DOCK1: variants seen among roughly 807,000 people sequenced by gnomAD.
DOCK1 encodes the protein dedicator of cytokinesis protein 1.
A neutral mutation model predicts 262.7 loss-of-function variants in DOCK1; 138 were observed. The ratio of observed to expected loss-of-function variants is 0.53; its 90% CI spans 0.46 to 0.61. DOCK1 has a LOEUF of 0.61. Ranked by LOEUF, DOCK1 falls within the 20% of genes least tolerant of loss-of-function variation. The pLI, the probability that DOCK1 is intolerant of heterozygous loss-of-function variation, is 0.00. For missense variants in DOCK1, 1,908 were observed against 2,370.7 expected, an observed-to-expected ratio of 0.80 and a Z score of 4.05; for synonymous variants, 866 against 867.4, an observed-to-expected ratio of 1.00 and a Z score of 0.03.
chr10:126,964,277 C>T (rs2037495428), intron 1 of DOCK1, among the ~76,000 whole-genome samples: 1 of 152,204 alleles, frequency 6.6e-6, no homozygotes, highest in African/African-American at 2.4e-5. Flanking sequence ...AGGCTGATTT[C>T]CTCTCTGGGG....
chr10:127,249,742 T>C (rs1360118680), intron 28 of DOCK1, among the ~76,000 whole-genome samples: 1 of 152,236 alleles, frequency 6.6e-6, no homozygotes, highest in Non-Finnish European at 1.5e-5. Context: ...ATACACAGTC[T>C]GTCATTGACC....
At chr10:127,011,299 A>G (rs1278378436) in intron 11 of DOCK1, among the ~76,000 whole-genome samples, 2 of 152,146 alleles carry the variant, frequency 1.3e-5, no homozygotes, top group Non-Finnish European at 2.9e-5. Context: ...ATTAAAACTG[A>G]TTTATTATCT....
intron 45 of DOCK1, 26 bp from the exon 46 acceptor site, chr10:127,419,640 T>A (rs537567130): frequency 6.3e-7 from 1 of 1,582,916 alleles, no homozygotes; most frequent in African/African-American, 1.3e-5. Context: ...GCAGGTGCAC[T>A]GAGCAACTCT....
intron 27 of DOCK1, among the ~76,000 whole-genome samples, chr10:127,210,288 C>T (rs981391396): frequency 2.6e-5 from 4 of 152,182 alleles, no homozygotes; most frequent in African/African-American, 2.4e-5. Context: ...CAGTGCTCAT[C>T]CCAGGAAGAA....
chr10:126,945,468 A>AGG (rs1384987582), intron 1 of DOCK1, among the ~76,000 whole-genome samples: 3 of 150,954 alleles, frequency 2.0e-5, no homozygotes, highest in Admixed American at 6.6e-5. Context: ...AGAGAGAGAG[A>AGG]GAGGGAGAGA....
chr10:127,431,647 G>A (rs1293054277), intron 47 of DOCK1, among the ~76,000 whole-genome samples: 4 of 152,334 alleles, frequency 2.6e-5, no homozygotes, highest in East Asian at 1.9e-4. Context: ...CCAGCTGCAC[G>A]TCACTCAGAG....
chr10:127,320,049 C>T (rs917067750), intron 29 of DOCK1, among the ~76,000 whole-genome samples: 5 of 152,148 alleles, frequency 3.3e-5, no homozygotes, highest in Admixed American at 3.3e-4. Flanking sequence ...GAGCAGTCAA[C>T]AAGTTAGAAG....
intron 43 of DOCK1, among the ~76,000 whole-genome samples, chr10:127,412,034 C>A (rs1324985806): frequency 6.6e-6 from 1 of 151,946 alleles, no homozygotes; most frequent in African/African-American, 2.4e-5. Flanking sequence ...ATGATCTCAG[C>A]TCACTGCAAG....
chr10:127,249,410 T>TACACACAC (rs767475211), intron 28 of DOCK1, among the ~76,000 whole-genome samples: 7 of 128,428 alleles, frequency 5.5e-5, no homozygotes, highest in Admixed American at 8.8e-5. Context: ...TATACATATA[T>TACACACAC]ATATACATGT....
At chr10:127,149,519 G>T (rs921631702) in intron 27 of DOCK1, among the ~76,000 whole-genome samples, 2 of 152,210 alleles carry the variant, frequency 1.3e-5, no homozygotes, top group African/African-American at 4.8e-5. Context: ...AAAGCCCCAG[G>T]CAGCCGGGTC....
At chr10:127,297,856 C>A (rs1590329198) in intron 29 of DOCK1, among the ~76,000 whole-genome samples, 2 of 152,170 alleles carry the variant, frequency 1.3e-5, no homozygotes, top group East Asian at 3.9e-4. Context: ...ATTATTCAGA[C>A]GTGTCGGAGC....
intron 1 of DOCK1, among the ~76,000 whole-genome samples, chr10:126,956,645 C>T (rs1282111920): frequency 2.6e-5 from 4 of 152,352 alleles, no homozygotes; most frequent in Middle Eastern, 3.4e-3. Flanking sequence ...AGGGTGGCCC[C>T]GGCTGGATGG....
At chr10:126,935,514 G>C (rs1288248506) in intron 1 of DOCK1, among the ~76,000 whole-genome samples, 3 of 152,224 alleles carry the variant, frequency 2.0e-5, no homozygotes, top group Non-Finnish European at 4.4e-5. Context: ...GGGACGTCCA[G>C]CCAGGCTGAG....
chr10:127,443,423 T>C (rs1282194969), intron 49 of DOCK1, among the ~76,000 whole-genome samples: 1 of 152,140 alleles, frequency 6.6e-6, no homozygotes, highest in African/African-American at 2.4e-5. Context: ...TTCTGTGTTG[T>C]GGTTTTTATA....
chr10:127,207,354 A>G (rs1179603721), intron 27 of DOCK1, among the ~76,000 whole-genome samples: 3 of 152,202 alleles, frequency 2.0e-5, no homozygotes, highest in East Asian at 1.9e-4. Context: ...AAAGCTTACA[A>G]GGAAGTTGGG....
intron 1 of DOCK1, among the ~76,000 whole-genome samples, chr10:126,946,331 GAGGTCAGGAGTTCA>G (rs2035402583): frequency 6.6e-6 from 1 of 152,116 alleles, no homozygotes; most frequent in Admixed American, 6.6e-5. Context: ...TGGATCACTT[GAGGTCAGGAGTTCA>G]AGACCAGCCT....
At chr10:127,436,859 T>G (rs7071660) in intron 48 of DOCK1, among the ~76,000 whole-genome samples, 102,855 of 151,606 alleles carry the variant, frequency 0.68, 35,431 homozygotes, top group African/African-American at 0.8. Flanking sequence ...TTTTTTAGTT[T>G]GAGGCAAAAT....
rs11016543 is a variant in DOCK1 at position 127,160,379 on chromosome 10, C to T, written c.2847+32615C>T. 2.0e-5 allele frequency among the ~76,000 whole-genome samples: 3 copies of T among 152,194 alleles called. No homozygotes were observed. In the South Asian group the frequency reaches 6.2e-4, roughly 32 times the overall value. ...CAATGGAAAGTTCTCTTCTCACATT[C>T]CTGGGTGACTGGATGGGGCATTTGT... On this transcript the variant is annotated intron_variant, in intron 27 of 51. Coordinates refer to ENST00000623213, the MANE Select transcript of DOCK1 (RefSeq NM_001290223.2).
At chr10:127,079,844 T>A (rs938894711) in intron 23 of DOCK1, among the ~76,000 whole-genome samples, 2 of 152,122 alleles carry the variant, frequency 1.3e-5, no homozygotes, top group African/African-American at 4.8e-5. Flanking sequence ...GGCAGGAGAA[T>A]TGCTTGAAGC....
Sources: allele counts gnomAD v4.1 joint callset (sites outside exome capture counted in the v4.1 genomes callset), GRCh38; gene constraint gnomAD v4.1.1; transcripts MANE v1.5; gene names NCBI Gene and HGNC (gene_info 2026-07-23, HGNC 2026-07-21).